The following CACNA1E variants were observed in gnomAD, a reference collection of about 807,000 sequenced individuals.
CACNA1E encodes the protein calcium voltage-gated channel subunit alpha1 E, also known as voltage-dependent R-type calcium channel subunit alpha-1E.
Under a neutral mutation model 259.2 loss-of-function variants are expected in CACNA1E, and 40 were observed. That is an observed-to-expected ratio of 0.15 (90% CI 0.12 to 0.20). CACNA1E has a LOEUF of 0.20. Among genes scored for constraint, CACNA1E ranks in the 10% least tolerant of loss-of-function variants. The probability of loss-of-function intolerance (pLI) is 1.00; values close to 1 mark genes in which losing one functional copy is unlikely to be tolerated. For synonymous variants in CACNA1E, 1,104 were observed against 1,138.5 expected, an observed-to-expected ratio of 0.97 and a Z score of 0.61; for missense variants, 1,874 against 3,040.1, an observed-to-expected ratio of 0.62 and a Z score of 9.02.
chr1:181,323,406 C>T (rs892270310), intron 1 of CACNA1E, among the ~76,000 whole-genome samples: 2 of 152,098 alleles, frequency 1.3e-5, no homozygotes, highest in South Asian at 4.1e-4. Flanking sequence ...GCTGGGTCTC[C>T]ACTTATTAAT....
chr1:181,713,728 C>T (rs910888650), intron 8 of CACNA1E, among the ~76,000 whole-genome samples: 5 of 152,134 alleles, frequency 3.3e-5, no homozygotes, highest in Admixed American at 6.6e-5. Context: ...GGCTCCCTGG[C>T]CTATGGGTTG....
At chr1:181,677,280 A>G (rs145236618) in intron 7 of CACNA1E, among the ~76,000 whole-genome samples, 1 of 152,162 alleles carries the variant, frequency 6.6e-6, no homozygotes, top group Non-Finnish European at 1.5e-5. Flanking sequence ...TTATTTATCT[A>G]ACTCCAGTAT....
intron 6 of CACNA1E, among the ~76,000 whole-genome samples, chr1:181,599,056 C>T (rs1162521429): frequency 6.6e-6 from 1 of 152,112 alleles, no homozygotes; most frequent in African/African-American, 2.4e-5. Context: ...CATCCCATCA[C>T]CCAGATACCA....
chr1:181,675,437 C>T (rs372173782), intron 7 of CACNA1E, among the ~76,000 whole-genome samples: 11 of 152,236 alleles, frequency 7.2e-5, no homozygotes, highest in African/African-American at 2.6e-4. Context: ...GATGGTGCTG[C>T]TATAGGTCTT....
chr1:181,675,210 A>AT (rs1272472540), intron 7 of CACNA1E, among the ~76,000 whole-genome samples: 1 of 152,198 alleles, frequency 6.6e-6, no homozygotes, highest in African/African-American at 2.4e-5. Flanking sequence ...AGGAAGGAAT[A>AT]TATCTGCTTC....
intron 3 of CACNA1E, among the ~76,000 whole-genome samples, chr1:181,515,806 C>T (rs892639774): frequency 1.3e-5 from 2 of 152,208 alleles, no homozygotes; most frequent in African/African-American, 4.8e-5. Flanking sequence ...CTTAGATGCC[C>T]ACTCATCTCT....
chr1:181,388,839 C>G (rs1264779897), intron 1 of CACNA1E, among the ~76,000 whole-genome samples: 2 of 151,104 alleles, frequency 1.3e-5, no homozygotes. Context: ...TGCAGTAAGC[C>G]AAGATGGCGC....
At chr1:181,511,695 A>G (rs1666182336) in intron 3 of CACNA1E, among the ~76,000 whole-genome samples, 185 bp downstream of exon 3, 1 of 152,218 alleles carries the variant, frequency 6.6e-6, no homozygotes, top group African/African-American at 2.4e-5. Context: ...GAGGAGGATG[A>G]GTACTGTGTG....
chr1:181,724,534 C>G lies in CACNA1E; in HGVS notation c.2139C>G (p.Thr713=). The G allele has an allele frequency of 6.2e-7, 1 of 1,610,738 alleles. No individual in the cohort carries two copies. Among genetic ancestry groups the G allele is most frequent in the African/African-American group, 1.3e-5 (1 of 75,006 alleles). ...VDNLANAQEL[T]KDEQEEEEAF... ...ATCTCGCCAACGCCCAGGAACTGAC[C>G]AAGGTAAGCATTGTTTTCTGGGGAT... The change falls in exon 17 of 48, where the codon ACC becomes ACG. Residue 713 remains threonine (T), a synonymous_variant. Coordinates refer to ENST00000367573, the MANE Select transcript of CACNA1E (RefSeq NM_001205293.3).
At chr1:181,625,068 T>C (rs1656066347) in intron 6 of CACNA1E, among the ~76,000 whole-genome samples, 1 of 74,446 alleles carries the variant, frequency 1.3e-5, no homozygotes. Flanking sequence ...TTTTTTTTTT[T>C]TGAGAAGCAG....
chr1:181,711,257 T>C (rs1197984459), intron 8 of CACNA1E, among the ~76,000 whole-genome samples, 188 bp downstream of exon 8: 1 of 152,234 alleles, frequency 6.6e-6, no homozygotes, highest in Non-Finnish European at 1.5e-5. Context: ...CTGTCCTGTC[T>C]ATCAAACTGT....
chr1:181,766,636 G>C, intron 35 of CACNA1E, 25 bp downstream of exon 35: 1 of 1,558,318 alleles, frequency 6.4e-7, no homozygotes, highest in Non-Finnish European at 8.8e-7. Context: ...CAAGGGCCCG[G>C]TGGGGGACAG....
chr1:181,783,135 C>A (rs1660566857), intron 39 of CACNA1E, among the ~76,000 whole-genome samples: 1 of 152,186 alleles, frequency 6.6e-6, no homozygotes. Context: ...CATGTTCAAT[C>A]ATGTGCGGGC....
chr1:181,776,078 CTCT>C lies in CACNA1E; in HGVS notation c.5140-17_5140-15del, dbSNP rs767287495. On this transcript the variant is annotated intron_variant, in intron 37 of 47. Coordinates refer to ENST00000367573, the MANE Select transcript of CACNA1E (RefSeq NM_001205293.3). This position sits in a 1 kb window ranked among gnomAD's most constrained non-coding sequence, Gnocchi z 4.4. Reference sequence around the variant, plus strand: ...CTCTGCTTTAGGTTTCCCCTAACCCCTCTTCTTCCCCTTGCCCTTCAGATGCTC... The same window carrying C: ...CTCTGCTTTAGGTTTCCCCTAACCCCTCTTCCCCTTGCCCTTCAGATGCTC... 10 of 1,606,968 alleles carry C rather than the reference CTCT, an allele frequency of 6.2e-6. No individual in the cohort carries two copies. The highest frequency in any genetic ancestry group is 2.2e-5 in the South Asian group (2 of 89,612).
chr1:181,336,517 G>A (rs1216924512), intron 1 of CACNA1E, among the ~76,000 whole-genome samples: 4 of 152,272 alleles, frequency 2.6e-5, no homozygotes, highest in African/African-American at 7.2e-5. Flanking sequence ...TACTCTTTGT[G>A]TATTGTTTAT....
At chr1:181,346,598 T>A (rs1405460335) in intron 1 of CACNA1E, among the ~76,000 whole-genome samples, 2 of 152,174 alleles carry the variant, frequency 1.3e-5, no homozygotes, top group African/African-American at 4.8e-5. Flanking sequence ...TCCTGGCAAT[T>A]CTCTGGGGCA....
At chr1:181,347,600 C>T (rs1359021609) in intron 1 of CACNA1E, among the ~76,000 whole-genome samples, 1 of 152,240 alleles carries the variant, frequency 6.6e-6, no homozygotes, top group Non-Finnish European at 1.5e-5. Context: ...CCTGCCTCTG[C>T]ACCCACTCCT....
At chr1:181,333,159 G>A (rs1003027734) in intron 1 of CACNA1E, among the ~76,000 whole-genome samples, 1 of 152,186 alleles carries the variant, frequency 6.6e-6, no homozygotes, top group Admixed American at 6.5e-5. Context: ...CCCACAGGAA[G>A]CAATTCACGG....
intron 1 of CACNA1E, among the ~76,000 whole-genome samples, chr1:181,504,255 C>G: frequency 6.6e-6 from 1 of 152,050 alleles, no homozygotes. Flanking sequence ...GAATGCCTCC[C>G]CTCAGACTGT....
Sources: gnomAD v4.1 joint callset for allele counts (sites outside exome capture counted in the v4.1 genomes callset) on GRCh38, gnomAD v4.1.1 for gene constraint, Gnocchi (gnomAD v3.1) non-coding constraint, MANE v1.5 for transcripts, NCBI Gene and HGNC (gene_info 2026-07-23, HGNC 2026-07-21) for gene names.